The following SMPD4 variants were observed in gnomAD, a reference collection of about 807,000 sequenced individuals.
The protein encoded by SMPD4 is neutral sphingomyelinase 3.
A neutral mutation model predicts 97.8 loss-of-function variants in SMPD4; 58 were observed. The observed-to-expected ratio is 0.59, with a 90% CI of 0.48 to 0.74. SMPD4 has a LOEUF of 0.74. Among genes scored for constraint, SMPD4 ranks in the 30% least tolerant of loss-of-function variants. The pLI is 0.00. For missense variants in SMPD4, 853 were observed against 1,080.5 expected (o/e 0.79, Z 2.95); for synonymous variants, 388 against 450.0 (o/e 0.86, Z 1.74).
rs142376219 is a variant in SMPD4, at chr2:130,155,161, G to A, written c.1388C>T (p.Ala463Val). ...TTTGGCCACTCGGAACACCATGAGC[G>A]CGTGCTTGGGGCTGACCAGGTCTGT... ...LRTDLVSPKH[A>V]LMVFRVAKVF... Residue 463 changes from alanine (A) to valine (V), a missense_variant, in exon 15 of 20, where the codon GCG becomes GTG. By Grantham distance (64) the Ala-to-Val change is moderately conservative (BLOSUM62 0). This residue lies in a region of SMPD4 where 511 missense variants were observed against 608.1 expected (regional missense o/e 0.84). Coordinates refer to ENST00000680298, the MANE Select transcript of SMPD4 (RefSeq NM_017951.5). The A allele has an allele frequency of 2.7e-5, 44 of 1,614,198 alleles. No homozygotes were observed. The highest frequency in any genetic ancestry group is 3.3e-5 in the Non-Finnish European group (39 of 1,180,038).
intron 11 of SMPD4, chr2:130,158,349 C>T: frequency 1.3e-6 from 1 of 781,424 alleles, no homozygotes; most frequent in South Asian, 1.8e-5. Context: ...ACAACGTCTC[C>T]CTCTGTCGCC....
intron 1 of SMPD4, among the ~76,000 whole-genome samples, chr2:130,178,789 T>C (rs548180965): frequency 2.0e-3 from 272 of 137,262 alleles, no homozygotes; most frequent in African/African-American, 7.0e-3. Context: ...AGGGAAACTC[T>C]CAAAAAATGG....
chr2:130,153,375 G>C lies in SMPD4; in HGVS notation c.1969C>G (p.Pro657Ala), dbSNP rs374198917. ...TQDENGKKQL[P>A]DCIVGEDGLI... ...CCGTCCTCACCCACGATGCAGTCGGGGAGTTGCTTTTTTCCATTCTCATCC... is the reference window on the plus strand; with the variant it reads ...CCGTCCTCACCCACGATGCAGTCGGCGAGTTGCTTTTTTCCATTCTCATCC... The change falls in exon 18 of 20, where the codon CCC becomes GCC. Residue 657 changes from proline (P) to alanine (A), a missense_variant. Around this residue, in one of 3 missense-constraint regions of SMPD4, gnomAD observed 511 missense variants for 608.1 expected, o/e 0.84. Coordinates refer to ENST00000680298, the MANE Select transcript of SMPD4 (RefSeq NM_017951.5). 6.2e-7 allele frequency: 1 copy of C among 1,613,888 alleles called. No individual in the cohort carries two copies. The highest frequency in any genetic ancestry group is 8.5e-7 in the Non-Finnish European group (1 of 1,180,024).
At chr2:130,154,997 G>A (rs949837768) in intron 15 of SMPD4, 99 bp downstream of exon 15, 68 of 1,472,018 alleles carry the variant, frequency 4.6e-5, no homozygotes, top group Middle Eastern at 2.0e-4. Flanking sequence ...CACTCTGGGC[G>A]TGTGGGTCCC....
rs140921207 is a variant in SMPD4 at position 130,153,412 on chromosome 2, C to T, written c.1932G>A (p.Leu644=). The change falls in exon 18 of 20, where the codon TTG becomes TTA. Residue 644 remains leucine, a synonymous_variant. Coordinates refer to ENST00000680298, the MANE Select transcript of SMPD4 (RefSeq NM_017951.5). ...EAQLRQFTLA[L]GTTQDENGKK... Reference sequence around the variant, plus strand: ...TTCCATTCTCATCCTGGGTGGTGCCCAAGGCGAGTGTGAACTGCCTGAGCT... The same window carrying T: ...TTCCATTCTCATCCTGGGTGGTGCCTAAGGCGAGTGTGAACTGCCTGAGCT... The T allele has an allele frequency of 1.2e-6, 2 of 1,613,804 alleles. No individual in the cohort carries two copies. The highest frequency in any genetic ancestry group is 2.7e-5 in the African/African-American group (2 of 74,934).
intron 10 of SMPD4, among the ~76,000 whole-genome samples, chr2:130,163,657 C>G (rs1351837472): frequency 6.6e-6 from 1 of 152,272 alleles, no homozygotes; most frequent in Non-Finnish European, 1.5e-5. Flanking sequence ...ATGAGTCAAG[C>G]TGCTCCATGG....
At chr2:130,168,408 G>A (rs908263404) in intron 8 of SMPD4, among the ~76,000 whole-genome samples, 4 of 152,082 alleles carry the variant, frequency 2.6e-5, no homozygotes, top group South Asian at 2.1e-4. Flanking sequence ...TGGGGTAAGA[G>A]AACAAGACCC....
At chr2:130,164,022 A>G (rs1687681905) in intron 10 of SMPD4, among the ~76,000 whole-genome samples, 1 of 152,190 alleles carries the variant, frequency 6.6e-6, no homozygotes, top group South Asian at 2.1e-4. Flanking sequence ...GGAGACAGAC[A>G]AGAAAGTGAC....
At chr2:130,155,712 G>T (rs1206508538) in intron 14 of SMPD4, among the ~76,000 whole-genome samples, 1 of 152,024 alleles carries the variant, frequency 6.6e-6, no homozygotes, top group Non-Finnish European at 1.5e-5. Context: ...CTTGATCACC[G>T]CTGCTCTGTT....
At chr2:130,173,405 A>G (rs1394125232) in intron 4 of SMPD4, 51 bp from the exon 5 acceptor site, 6 of 1,605,886 alleles carry the variant, frequency 3.7e-6, no homozygotes, top group Non-Finnish European at 5.1e-6. Context: ...TGAACTGCGA[A>G]TTATCTTGCT....
intron 1 of SMPD4, among the ~76,000 whole-genome samples, chr2:130,178,296 T>C (rs143799193): frequency 1.3e-5 from 2 of 152,256 alleles, no homozygotes; most frequent in East Asian, 3.9e-4. Flanking sequence ...TGCAGGTCAG[T>C]ACAGATGATG....
At chr2:130,177,213 G>C (rs965443759) in intron 1 of SMPD4, among the ~76,000 whole-genome samples, 7 of 152,134 alleles carry the variant, frequency 4.6e-5, no homozygotes, top group Admixed American at 2.0e-4. Flanking sequence ...CCCAACTAGC[G>C]GGAACTACAG....
chr2:130,156,766 C>A (rs747664877), intron 12 of SMPD4, 91 bp from the exon 13 acceptor site: 1 of 1,556,454 alleles, frequency 6.4e-7, no homozygotes, highest in Admixed American at 1.9e-5. Flanking sequence ...TGAGGGTTGG[C>A]TCCGCCGGGG....
In SMPD4 at chr2:130,154,291, C is replaced by T. The variant is rs1391530495; in HGVS notation, c.1645G>A (p.Glu549Lys). The change falls in exon 16 of 20, where the codon GAG becomes AAG. Residue 549 changes from glutamate to lysine, a missense_variant. Physicochemically the swap from Glu to Lys is moderately conservative, Grantham distance 56. Around this residue, in one of 3 missense-constraint regions of SMPD4, gnomAD observed 511 missense variants for 608.1 expected, o/e 0.84. Coordinates refer to ENST00000680298, the MANE Select transcript of SMPD4 (RefSeq NM_017951.5). Reference sequence around the variant, plus strand: ...GAACCACTCACCAGGGTGCGGGCCTCGGGCCCAAACATCGGGGTGTACTTG... The same window carrying T: ...GAACCACTCACCAGGGTGCGGGCCTTGGGCCCAAACATCGGGGTGTACTTG... ...DCKYTPMFGPEARTLVLRLAQ... is the reference protein window; with the variant it reads ...DCKYTPMFGPKARTLVLRLAQ... 10 of 1,604,924 alleles carry T rather than the reference C, an allele frequency of 6.2e-6. No individual in the cohort carries two copies. The highest frequency in any genetic ancestry group is 6.8e-6 in the Non-Finnish European group (8 of 1,175,168).
chr2:130,157,683 G>A (rs968245914), intron 11 of SMPD4: 15 of 506,544 alleles, frequency 3.0e-5, no homozygotes, highest in Admixed American at 1.1e-4. Context: ...CATCTGCAGA[G>A]GGCCTCCCAG....
At position 130,153,704 on chromosome 2, in the gene SMPD4, G is replaced by A. The variant is rs777861068; in HGVS notation, c.1891C>T (p.Arg631Trp). Residue 631 changes from arginine (R) to tryptophan (W), a missense_variant and splice_region_variant, in exon 17 of 20, where the codon CGG becomes TGG. By Grantham distance (101) the Arg-to-Trp change is moderately radical (BLOSUM62 -3). Coordinates refer to ENST00000680298, the MANE Select transcript of SMPD4 (RefSeq NM_017951.5). ...GGGGCAGGCCCCATAGCTCGTACCCGGAATATCTGGCGCAGGTACTCCAGG... is the reference window on the plus strand; with the variant it reads ...GGGGCAGGCCCCATAGCTCGTACCCAGAATATCTGGCGCAGGTACTCCAGG... ...KALEYLRQIFRLSEAQLRQFT... is the reference protein window; with the variant it reads ...KALEYLRQIFWLSEAQLRQFT... 2.5e-5 allele frequency: 40 copies of A among 1,613,404 alleles called. No homozygotes were observed. The highest frequency in any genetic ancestry group is 6.7e-5 in the East Asian group (3 of 44,874).
chr2:130,152,886 T>G lies in SMPD4; in HGVS notation c.2155-2A>C. The G allele has an allele frequency of 6.3e-7, 1 of 1,579,542 alleles. No homozygotes were observed. The highest frequency in any genetic ancestry group is 8.6e-7 in the Non-Finnish European group (1 of 1,160,644). On this transcript the variant is annotated splice_acceptor_variant, in intron 19 of 19. Coordinates refer to ENST00000680298, the MANE Select transcript of SMPD4 (RefSeq NM_017951.5). LOFTEE classifies it high-confidence loss of function. The stretch of plus-strand genomic sequence containing the variant: ...CAGAGCCGCCATCTGTCCTGCAAAC[T>G]GAAGCACAGACAGAGGCACGGGGAT...
chr2:130,152,674 C>G lies in SMPD4; in HGVS notation c.2365G>C (p.Val789Leu), dbSNP rs373887952. 3.4e-5 allele frequency: 53 copies of G among 1,568,968 alleles called. 1 individual carries two copies. The Middle Eastern group carries it at 9.7e-4, about 29-fold the overall frequency. The change falls in exon 20 of 20, where the codon GTG becomes CTG. Residue 789 changes from valine to leucine, a missense_variant. Physicochemically the swap from Val to Leu is conservative, Grantham distance 32. Transcript: ENST00000680298. ...GGCCCGACGCAGAACAGAGAGGCCA[C>G]GAAGAAGGCCAGCAGCAGCGAGACC... Reference protein sequence around the residue: ...TLVSLLLAFFVASLFCVGPLP... With the variant: ...TLVSLLLAFFLASLFCVGPLP...
intron 10 of SMPD4, among the ~76,000 whole-genome samples, chr2:130,161,816 C>G (rs1687451686): frequency 6.6e-6 from 1 of 152,198 alleles, no homozygotes; most frequent in Admixed American, 6.5e-5. Context: ...CCAGGAGGAG[C>G]ACTCTGCCCA....
Sources: gnomAD v4.1 joint callset for allele counts (sites outside exome capture counted in the v4.1 genomes callset) on GRCh38, gnomAD v4.1.1 for gene constraint, gnomAD v4.1.1 regional missense constraint, MANE v1.5 for transcripts, NCBI Gene and HGNC (gene_info 2026-07-23, HGNC 2026-07-21) for gene names.